The following DLX3 variants were observed in gnomAD, a reference collection of about 807,000 sequenced individuals.
The protein encoded by DLX3 is distal-less homeobox 3, also known as homeobox protein DLX-3.
DLX3 carries 9 observed loss-of-function variants against 28.0 expected under a neutral mutation model. That is an observed-to-expected ratio of 0.32 (90% CI 0.19 to 0.56). DLX3 has a LOEUF of 0.56. Ranked by LOEUF, DLX3 falls within the 20% of genes least tolerant of loss-of-function variation. DLX3 has a pLI of 0.91. For synonymous variants in DLX3, 154 were observed against 167.9 expected, an observed-to-expected ratio of 0.92 and a Z score of 0.64; for missense variants, 313 against 378.2, an observed-to-expected ratio of 0.83 and a Z score of 1.43.
chr17:49,993,748 CCGCGGCCCCAGAGCCAGAA>C, intron 1 of DLX3, 158 bp from the exon 2 acceptor site: 1 of 739,380 alleles, frequency 1.4e-6, no homozygotes, highest in Non-Finnish European at 2.0e-6. Context: ...CAGGGGGGAG[CCGCGGCCCCAGAGCCAGAA>C]CTGGCCGCGG....
In DLX3 at chr17:49,991,522, A is replaced by G. The variant is rs1906086751; in HGVS notation, c.859T>C (p.Tyr287His). The G allele has an allele frequency of 1.2e-6, 2 of 1,602,118 alleles. No individual in the cohort carries two copies. Among genetic ancestry groups the G allele is most frequent in the South Asian group, 1.1e-5 (1 of 90,054 alleles). The change falls in exon 3 of 3, where the codon TAC becomes CAC. Residue 287 changes from tyrosine to histidine, a missense_variant. Coordinates refer to ENST00000434704, the MANE Select transcript of DLX3 (RefSeq NM_005220.3). The part of the protein sequence containing the change: ...PGPPPNPGAV[Y>H] ...GGTGCAGGCCAGATGGGTGCTCAGT[A>G]CACAGCCCCAGGGTTGGGCGGGGGC... is the stretch of plus-strand genomic sequence containing the variant.
At chr17:49,993,254 C>T (rs932628797) in intron 2 of DLX3, 146 bp downstream of exon 2, 3 of 784,024 alleles carry the variant, frequency 3.8e-6, no homozygotes, top group Non-Finnish European at 6.0e-6. Flanking sequence ...AACCTTCCCA[C>T]CGAAGTTGAA....
chr17:49,990,652 G>A lies in DLX3; in HGVS notation c.*865C>T, dbSNP rs999384644. ...GCCAACTTACTGGAGGAGTAGAGAA[G>A]GTGAGGTGGGGGCAGGGACAGAACA... On this transcript the variant is annotated 3_prime_UTR_variant, in exon 3 of 3. Transcript: ENST00000434704. The A allele has an allele frequency of 2.0e-5, 3 of 152,672 alleles. No individual in the cohort carries two copies. The highest frequency in any genetic ancestry group is 7.2e-5 in the African/African-American group (3 of 41,442). 9.5% of individuals were successfully genotyped at this position (152,672 alleles called of 1,614,324 possible). A position where few individuals can be genotyped will look rare whatever the true frequency, so the allele number is the denominator to read the frequency against.
Position 49,993,578 on chromosome 17 carries a change from T to A in DLX3, c.338A>T (p.Glu113Val), listed in dbSNP as rs773624545. The stretch of plus-strand genomic sequence containing the variant: ...CATGCGCACCTCTGCTTCCGGCTCC[T>A]CCTTCACCGACACTGCGGGGAACGC... ...LPAQDPVSVK[E>V]EPEAEVRMVN... Residue 113 changes from glutamate (E) to valine (V), a missense_variant, in exon 2 of 3, where the codon GAG becomes GTG. Glu to Val is a moderately radical substitution (Grantham distance 121). This residue lies in a region of DLX3 where 183 missense variants were observed against 197.7 expected (regional missense o/e 0.93). Coordinates refer to ENST00000434704, the MANE Select transcript of DLX3 (RefSeq NM_005220.3). The A allele has an allele frequency of 1.9e-6, 3 of 1,613,292 alleles. No homozygotes were observed. The Admixed American group carries it at 5.0e-5, about 27-fold the overall frequency.
chr17:49,992,558 T>G (rs1354637115), intron 2 of DLX3, among the ~76,000 whole-genome samples: 2 of 152,074 alleles, frequency 1.3e-5, no homozygotes, highest in Non-Finnish European at 2.9e-5. Context: ...AGGTGAGCCA[T>G]GATTCCCCAA....
At position 49,994,903 on chromosome 17, in the gene DLX3, C is replaced by G. The variant is rs750762263; in HGVS notation, c.96G>C (p.Leu32=). Residue 32 remains leucine, a synonymous_variant, in exon 1 of 3, where the codon CTG becomes CTC. Transcript: ENST00000434704. ...CHAGSKDSPT[L]PESSVTDLGY... is the part of the protein sequence containing the mutation. ...CCAGGTCAGTGACAGAAGACTCGGG[C>G]AGGGTAGGCGAGTCCTTGGAGCCCG... The G allele has an allele frequency of 3.1e-6, 5 of 1,614,030 alleles. No homozygotes were observed. The African/African-American group carries it at 6.7e-5, about 22-fold the overall frequency.
At position 49,994,743 on chromosome 17, in the gene DLX3, A is replaced by G. The variant is rs766183369; in HGVS notation, c.256T>C (p.Tyr86His). ...GTGAYSPKSE[Y>H]TYGASYRQYG... is the part of the protein sequence containing the mutation. The stretch of plus-strand genomic sequence containing the variant: ...TGCCGGTAGGAGGCTCCGTAGGTAT[A>G]TTCCGACTTGGGCGAGTAAGCGCCC... Residue 86 changes from tyrosine (Y) to histidine (H), a missense_variant, in exon 1 of 3, where the codon TAT (tyrosine) becomes CAT (histidine). Around this residue, in one of 3 missense-constraint regions of DLX3, gnomAD observed 183 missense variants for 197.7 expected, o/e 0.93. Coordinates refer to ENST00000434704, the MANE Select transcript of DLX3 (RefSeq NM_005220.3). 3 of 1,614,156 alleles carry G rather than the reference A, an allele frequency of 1.9e-6. No individual in the cohort carries two copies. The South Asian group carries it at 3.3e-5, about 18-fold the overall frequency.
At chr17:49,992,861 C>T (rs3891034) in intron 2 of DLX3, among the ~76,000 whole-genome samples, 28,397 of 152,064 alleles carry the variant, frequency 0.19, 3,039 homozygotes, top group East Asian at 0.49. Context: ...CTCTCTTGAG[C>T]GTTCAAGTGC....
rs1369938815 is a variant in DLX3 at position 49,991,474 on chromosome 17, T to C, written c.*43A>G. 1.7e-5 allele frequency: 26 copies of C among 1,525,912 alleles called. No homozygotes were observed. The highest frequency in any genetic ancestry group is 2.3e-5 in the Non-Finnish European group (26 of 1,134,014). The allele number at this position is 1,525,912 out of a possible 1,614,324, so 94.5% of individuals were successfully genotyped here. A position where few individuals can be genotyped will look rare whatever the true frequency, so the allele number is the denominator to read the frequency against. On this transcript the variant is annotated 3_prime_UTR_variant, in exon 3 of 3. Transcript: ENST00000434704. ...GGCTAGGACGGAGGCGCCTTCTGCC[T>C]GGTCCTGGGGTCCTTTGTCAAGGGT...
chr17:49,991,843 G>A lies in DLX3; in HGVS notation c.538C>T (p.Arg180Cys), dbSNP rs1567913379. The A allele has an allele frequency of 2.5e-6, 4 of 1,613,980 alleles. No individual in the cohort carries two copies. Among genetic ancestry groups the A allele is most frequent in the East Asian group, 2.2e-5 (1 of 44,886 alleles). ...QTQVKIWFQN[R>C]RSKFKKLYKN... ...TAGAGTTTCTTGAACTTGGAACGGC[G>A]GTTCTGGAACCAGATTTTCACCTGG... Residue 180 changes from arginine (R) to cysteine (C), a missense_variant, in exon 3 of 3, where the codon CGC becomes TGC. By Grantham distance (180) the Arg-to-Cys change is radical. Around this residue, in one of 3 missense-constraint regions of DLX3, gnomAD observed 120 missense variants for 145.4 expected, o/e 0.83. Coordinates refer to ENST00000434704, the MANE Select transcript of DLX3 (RefSeq NM_005220.3).
rs757430047 is a variant in DLX3, at chr17:49,994,902, G to A, written c.97C>T (p.Pro33Ser). 1.2e-6 allele frequency: 2 copies of A among 1,614,200 alleles called. No homozygotes were observed. Among genetic ancestry groups the A allele is most frequent in the South Asian group, 1.1e-5 (1 of 91,092 alleles). ...CCCAGGTCAGTGACAGAAGACTCGG[G>A]CAGGGTAGGCGAGTCCTTGGAGCCC... is the stretch of plus-strand genomic sequence containing the variant. The part of the protein sequence containing the change: ...HAGSKDSPTL[P>S]ESSVTDLGYY... Residue 33 changes from proline to serine, a missense_variant, in exon 1 of 3, where the codon CCC (proline) becomes TCC (serine). Pro to Ser is a moderately conservative substitution (Grantham distance 74, BLOSUM62 -1). This residue lies in a region of DLX3 where 183 missense variants were observed against 197.7 expected (regional missense o/e 0.93). Coordinates refer to ENST00000434704, the MANE Select transcript of DLX3 (RefSeq NM_005220.3).
In DLX3 at chr17:49,994,734, C is replaced by T. The variant is rs1443620648; in HGVS notation, c.265G>A (p.Gly89Arg). The T allele has an allele frequency of 3.1e-6, 5 of 1,614,194 alleles. No homozygotes were observed. The highest frequency in any genetic ancestry group is 1.7e-5 in the Admixed American group (1 of 60,028). ...GCCCCGTATTGCCGGTAGGAGGCTC[C>T]GTAGGTATATTCCGACTTGGGCGAG... ...AYSPKSEYTY[G>R]ASYRQYGAYR... is the part of the protein sequence containing the mutation. Residue 89 changes from glycine to arginine, a missense_variant, in exon 1 of 3, where the codon GGA becomes AGA. By Grantham distance (125) the Gly-to-Arg change is moderately radical. Transcript: ENST00000434704.
rs534788536 is a variant in DLX3 at position 49,993,451 on chromosome 17, C to T, written c.465G>A (p.Ala155=). The change falls in exon 2 of 3, where the codon GCG becomes GCA. Residue 155 remains alanine, a synonymous_variant. Coordinates refer to ENST00000434704, the MANE Select transcript of DLX3 (RefSeq NM_005220.3). The part of the protein sequence containing the change: ...QRRFQKAQYL[A]LPERAELAAQ... ...CGGCCAGCTCGGCGCGCTCGGGCAG[C>T]GCCAGGTACTGGGCCTTCTGGAAGC... 41 of 1,611,294 alleles carry T rather than the reference C, an allele frequency of 2.5e-5. 2 individuals carry two copies. The Middle Eastern group carries it at 5.0e-4, about 19-fold the overall frequency.
rs1906030771 is a variant in DLX3, at chr17:49,990,105, C to T, written c.*1412G>A. 6.6e-6 allele frequency: 1 copy of T among 152,324 alleles called. No homozygotes were observed. Among genetic ancestry groups the T allele is most frequent in the Admixed American group, 6.6e-5 (1 of 15,246 alleles). 9.4% of individuals were successfully genotyped at this position (152,324 alleles called of 1,614,324 possible). On this transcript the variant is annotated 3_prime_UTR_variant, in exon 3 of 3. Transcript: ENST00000434704. ...GGGGTGGGAGATGGCTTTGCTTCTT[C>T]CCCCCCGGGTGGGACTCTTGGAGAC...
chr17:49,990,268 G>A lies in DLX3; in HGVS notation c.*1249C>T, dbSNP rs752377359. On this transcript the variant is annotated 3_prime_UTR_variant, in exon 3 of 3. Transcript: ENST00000434704. ...ATAAATAGGAAACCGCAGCAGGGAGGAGGCTGCTTCTCTCTGTTGCTCTTA... is the reference window on the plus strand; with the variant it reads ...ATAAATAGGAAACCGCAGCAGGGAGAAGGCTGCTTCTCTCTGTTGCTCTTA... The A allele has an allele frequency of 2.0e-5, 3 of 151,132 alleles. No individual in the cohort carries two copies. Among genetic ancestry groups the A allele is most frequent in the Non-Finnish European group, 4.4e-5 (3 of 67,910 alleles). The allele number at this position is 151,132 out of a possible 1,614,324, so 9.4% of individuals were successfully genotyped here.
At position 49,995,179 on chromosome 17, in the gene DLX3, G is replaced by A. The variant is rs1906235988; in HGVS notation, c.-181C>T. 2 of 752,940 alleles carry A rather than the reference G, an allele frequency of 2.7e-6. No individual in the cohort carries two copies. The highest frequency in any genetic ancestry group is 4.4e-6 in the Non-Finnish European group (2 of 458,344). 46.6% of individuals were successfully genotyped at this position (752,940 alleles called of 1,614,324 possible). On this transcript the variant is annotated 5_prime_UTR_variant, in exon 1 of 3. Transcript: ENST00000434704. Reference sequence around the variant, plus strand: ...CTTACACCATTGCCTGCCGTCAGGCGGTCGCTGCGCGCCTCTCCTCGCGTC... The same window carrying A: ...CTTACACCATTGCCTGCCGTCAGGCAGTCGCTGCGCGCCTCTCCTCGCGTC...
chr17:49,990,132 T>A lies in DLX3; in HGVS notation c.*1385A>T, dbSNP rs1906033077. 6.6e-6 allele frequency: 1 copy of A among 152,512 alleles called. No homozygotes were observed. The highest frequency in any genetic ancestry group is 2.4e-5 in the African/African-American group (1 of 41,510). 9.4% of individuals were successfully genotyped at this position (152,512 alleles called of 1,614,324 possible). ...CCCCCGGGTGGGACTCTTGGAGACC[T>A]ACCACGTCTCTCTTGGCCCCTGCAC... On this transcript the variant is annotated 3_prime_UTR_variant, in exon 3 of 3. Coordinates refer to ENST00000434704, the MANE Select transcript of DLX3 (RefSeq NM_005220.3).
intron 2 of DLX3, among the ~76,000 whole-genome samples, chr17:49,992,977 T>C (rs1906144338): frequency 2.0e-5 from 3 of 152,192 alleles, no homozygotes; most frequent in East Asian, 3.9e-4. Flanking sequence ...CCCATCGTTA[T>C]GCACAATGAC....
chr17:49,991,873 G>C lies in DLX3; in HGVS notation c.517-9C>G. ...TGGAACCAGATTTTCACCTGGGCCA[G>C]AGAAGAAAGGGGTAGCTAGTTAGCC... On this transcript the variant is annotated splice_polypyrimidine_tract_variant and intron_variant, in intron 2 of 2. Transcript: ENST00000434704. 6.2e-7 allele frequency: 1 copy of C among 1,612,766 alleles called. No homozygotes were observed.
Sources: gnomAD v4.1 joint callset for allele counts (sites outside exome capture counted in the v4.1 genomes callset) on GRCh38, gnomAD v4.1.1 for gene constraint, gnomAD v4.1.1 regional missense constraint, MANE v1.5 for transcripts, NCBI Gene and HGNC (gene_info 2026-07-23, HGNC 2026-07-21) for gene names.